Variants in PIGK observed in about 807,000 individuals in gnomAD.
The protein encoded by PIGK is phosphatidylinositol glycan anchor biosynthesis class K.
Under a neutral mutation model 50.6 loss-of-function variants are expected in PIGK, and 42 were observed. The observed-to-expected ratio is 0.83, with a 90% CI of 0.65 to 1.07. The LOEUF is 1.07. Among genes scored for constraint, PIGK ranks in the 50% least tolerant of loss-of-function variants. The probability of loss-of-function intolerance (pLI) is 0.00; values close to 1 mark genes in which losing one functional copy is unlikely to be tolerated. For missense variants in PIGK, 448 were observed against 488.7 expected, an observed-to-expected ratio of 0.92 and a Z score of 0.78; for synonymous variants, 151 against 156.0, an observed-to-expected ratio of 0.97 and a Z score of 0.24.
chr1:77,219,388 G>A lies in PIGK; in HGVS notation c.15C>T (p.Asp5=). 6.2e-7 allele frequency: 1 copy of A among 1,613,496 alleles called. No individual in the cohort carries two copies. The highest frequency in any genetic ancestry group is 8.5e-7 in the Non-Finnish European group (1 of 1,179,678). ...AGACAGTCGCAGCCCGGCTGAGGCT[G>A]TCGGTGACGGCCATGTTTACCGGCT... MAVT[D]SLSRAATVLA... is the part of the protein sequence containing the mutation. Residue 5 remains aspartate, a synonymous_variant, in exon 1 of 11, where the codon GAC becomes GAT. Coordinates refer to ENST00000370812, the MANE Select transcript of PIGK (RefSeq NM_005482.3).
chr1:77,212,214 AC>A (rs1336364431), intron 1 of PIGK, among the ~76,000 whole-genome samples: 2 of 152,178 alleles, frequency 1.3e-5, no homozygotes, highest in Non-Finnish European at 2.9e-5. Flanking sequence ...TATAAGCCAT[AC>A]TGACCTCAGA....
intron 3 of PIGK, among the ~76,000 whole-genome samples, chr1:77,183,463 T>C (rs1228279979): frequency 6.6e-6 from 1 of 152,186 alleles, no homozygotes; most frequent in Non-Finnish European, 1.5e-5. Flanking sequence ...CCAACACCCC[T>C]GTTTGCTTTC....
intron 8 of PIGK, among the ~76,000 whole-genome samples, chr1:77,159,675 G>C (rs1411010735): frequency 3.9e-5 from 6 of 152,214 alleles, no homozygotes; most frequent in Admixed American, 1.3e-4. Context: ...GGAACTTTAA[G>C]GTTTAATGAC....
chr1:77,110,292 G>C (rs542146194), intron 10 of PIGK, among the ~76,000 whole-genome samples: 1 of 152,028 alleles, frequency 6.6e-6, no homozygotes, highest in Non-Finnish European at 1.5e-5. Flanking sequence ...AAAAGAGCCC[G>C]CATTGCCAAG....
chr1:77,183,533 G>A (rs374814653), intron 3 of PIGK, among the ~76,000 whole-genome samples: 1 of 152,162 alleles, frequency 6.6e-6, no homozygotes, highest in African/African-American at 2.4e-5. Flanking sequence ...GACCCATGAG[G>A]AGGTGCACTA....
At chr1:77,193,678 T>G (rs1200603745) in intron 3 of PIGK, among the ~76,000 whole-genome samples, 1 of 152,180 alleles carries the variant, frequency 6.6e-6, no homozygotes, top group Non-Finnish European at 1.5e-5. Context: ...TGTTAACCCT[T>G]TTCTATATCT....
intron 9 of PIGK, among the ~76,000 whole-genome samples, chr1:77,148,331 T>A (rs559199189): frequency 2.6e-5 from 4 of 152,180 alleles, no homozygotes; most frequent in South Asian, 2.1e-4. Context: ...AGTACACCAA[T>A]AATTATGAAG....
intron 3 of PIGK, among the ~76,000 whole-genome samples, chr1:77,192,104 T>C (rs959716188): frequency 7.4e-4 from 113 of 151,942 alleles, no homozygotes; most frequent in African/African-American, 2.6e-3. Context: ...CACTGCATTC[T>C]AGCCTGGGAT....
intron 3 of PIGK, among the ~76,000 whole-genome samples, chr1:77,193,471 T>C (rs1360828267): frequency 1.3e-5 from 2 of 152,174 alleles, no homozygotes; most frequent in East Asian, 1.9e-4. Flanking sequence ...ACAAGAATCA[T>C]TGCACTCTGG....
intron 10 of PIGK, among the ~76,000 whole-genome samples, chr1:77,105,805 C>T (rs1405396944): frequency 6.6e-6 from 1 of 152,140 alleles, no homozygotes; most frequent in Non-Finnish European, 1.5e-5. Context: ...TTGTAACAAA[C>T]ACCATGTGGC....
intron 3 of PIGK, among the ~76,000 whole-genome samples, chr1:77,175,998 A>T (rs1293478814): frequency 6.6e-6 from 1 of 152,152 alleles, no homozygotes; most frequent in Non-Finnish European, 1.5e-5. Context: ...TGTAATATTA[A>T]AGGATAATAA....
At chr1:77,173,683 T>G (rs143082492) in intron 3 of PIGK, among the ~76,000 whole-genome samples, 11 of 152,254 alleles carry the variant, frequency 7.2e-5, no homozygotes, top group Non-Finnish European at 5.9e-5. Context: ...TGTAGCAAAT[T>G]TGGTGTCCTT....
At chr1:77,192,733 C>T (rs1655939333) in intron 3 of PIGK, among the ~76,000 whole-genome samples, 1 of 152,074 alleles carries the variant, frequency 6.6e-6, no homozygotes, top group African/African-American at 2.4e-5. Context: ...TTAGTCACAA[C>T]ATGCTAGAGT....
intron 1 of PIGK, among the ~76,000 whole-genome samples, chr1:77,213,128 T>C (rs1656457748): frequency 6.6e-6 from 1 of 152,218 alleles, no homozygotes; most frequent in Non-Finnish European, 1.5e-5. Flanking sequence ...TTTCACCATG[T>C]TGGCCAGGCT....
chr1:77,200,367 T>C (rs1349262534), intron 3 of PIGK, among the ~76,000 whole-genome samples: 1 of 152,080 alleles, frequency 6.6e-6, no homozygotes, highest in Non-Finnish European at 1.5e-5. Context: ...AAGAAAATGA[T>C]AAAATCAGAG....
chr1:77,105,589 T>A (rs12743614), intron 10 of PIGK, among the ~76,000 whole-genome samples: 17,326 of 151,886 alleles, frequency 0.11, 1,354 homozygotes, highest in African/African-American at 0.21. Flanking sequence ...AAGGGACAGC[T>A]TAATCAAAAC....
chr1:77,100,693 G>C (rs1268069402), intron 10 of PIGK, among the ~76,000 whole-genome samples: 1 of 152,050 alleles, frequency 6.6e-6, no homozygotes, highest in East Asian at 1.9e-4. Flanking sequence ...TAATCAGATG[G>C]GCCCTTTAAA....
At chr1:77,109,020 A>G (rs1193555371) in intron 10 of PIGK, among the ~76,000 whole-genome samples, 1 of 152,086 alleles carries the variant, frequency 6.6e-6, no homozygotes, top group East Asian at 1.9e-4. Flanking sequence ...AGAAATGGAT[A>G]AATTCCTCAA....
chr1:77,120,505 A>G (rs7522727), intron 10 of PIGK, among the ~76,000 whole-genome samples: 17,774 of 152,204 alleles, frequency 0.12, 1,450 homozygotes, highest in African/African-American at 0.22. Context: ...TAGGCATGGG[A>G]TACCACGTGC....
Sources: allele counts gnomAD v4.1 joint callset (sites outside exome capture counted in the v4.1 genomes callset), GRCh38; gene constraint gnomAD v4.1.1; transcripts MANE v1.5; gene names NCBI Gene and HGNC (gene_info 2026-07-23, HGNC 2026-07-21).